FER: variants seen among roughly 807,000 people sequenced by gnomAD.
The protein encoded by FER is tyrosine-protein kinase Fer.
Under a neutral mutation model 111.0 loss-of-function variants are expected in FER, and 63 were observed. That is an observed-to-expected ratio of 0.57 (90% CI 0.46 to 0.70). The LOEUF (loss-of-function observed/expected upper bound fraction) is 0.70, where lower values mean the gene tolerates loss of function less well. FER is among the 30% of genes least tolerant of loss of function. FER has a pLI of 0.00. For synonymous variants in FER, 327 were observed against 313.9 expected (o/e 1.04, Z -0.44); for missense variants, 914 against 954.0 (o/e 0.96, Z 0.55).
chr5:108,752,796 TAAAA>T (rs1750645709), intron 1 of FER, among the ~76,000 whole-genome samples: 7 of 152,216 alleles, frequency 4.6e-5, no homozygotes, highest in African/African-American at 1.2e-4. Context: ...GGAATTATTT[TAAAA>T]ATATTCATAT....
chr5:108,867,109 A>G (rs1401222697), intron 5 of FER, among the ~76,000 whole-genome samples: 1 of 152,090 alleles, frequency 6.6e-6, no homozygotes, highest in Non-Finnish European at 1.5e-5. Flanking sequence ...TGTTCTTTCC[A>G]TGTATTCACT....
chr5:108,886,630 G>A (rs1015713308), intron 9 of FER, among the ~76,000 whole-genome samples: 3 of 151,458 alleles, frequency 2.0e-5, no homozygotes, highest in Non-Finnish European at 4.4e-5. Flanking sequence ...CATAGCTTCT[G>A]TCTTTTTGAT....
chr5:108,881,471 C>T (rs775285501), intron 8 of FER, among the ~76,000 whole-genome samples: 9 of 152,158 alleles, frequency 5.9e-5, no homozygotes, highest in Non-Finnish European at 1.2e-4. Flanking sequence ...CTGGGTCCCT[C>T]TCACAACACG....
At chr5:109,120,028 C>T (rs571258602) in intron 17 of FER, among the ~76,000 whole-genome samples, 1 of 151,996 alleles carries the variant, frequency 6.6e-6, no homozygotes, top group Non-Finnish European at 1.5e-5. Context: ...GTTATTAACC[C>T]CTTCTCAGAA....
intron 10 of FER, among the ~76,000 whole-genome samples, chr5:108,922,994 A>AT (rs1214602041): frequency 6.6e-6 from 1 of 152,048 alleles, no homozygotes; most frequent in Non-Finnish European, 1.5e-5. Context: ...GGCATCAGCT[A>AT]TTTTTTGGCT....
chr5:109,061,987 G>T (rs1271242460), intron 16 of FER, among the ~76,000 whole-genome samples: 3 of 148,712 alleles, frequency 2.0e-5, no homozygotes, highest in Non-Finnish European at 4.5e-5. Flanking sequence ...AGATGATTCT[G>T]TCTTTGTTTG....
At chr5:109,029,773 G>A (rs998308693) in intron 13 of FER, among the ~76,000 whole-genome samples, 10 of 152,026 alleles carry the variant, frequency 6.6e-5, no homozygotes, top group African/African-American at 1.7e-4. Context: ...TTTCCTTGTC[G>A]GAAGTTTGAT....
rs1271127019 is a variant in FER at position 108,937,874 on chromosome 5, A to G, written c.1237-8256A>G. Among the ~76,000 whole-genome samples, 35 of 151,826 alleles carry G rather than the reference A, an allele frequency of 2.3e-4. 1 individual carries two copies. The Admixed American group carries it at 2.3e-3, about 10-fold the overall frequency. ...TAGAGAAAATGGAGACAGTGAGCAT[A>G]TATAACTCTTTTAGGAATTTTTTTT... is the stretch of plus-strand genomic sequence containing the variant. On this transcript the variant is annotated intron_variant, in intron 10 of 19. Transcript: ENST00000281092.
intron 17 of FER, among the ~76,000 whole-genome samples, chr5:109,114,398 G>A (rs931253556): frequency 1.3e-5 from 2 of 152,028 alleles, no homozygotes; most frequent in Non-Finnish European, 2.9e-5. Flanking sequence ...AAAGTCAATG[G>A]TGCTGTTCTT....
At chr5:108,874,993 A>G (rs1349770956) in intron 8 of FER, among the ~76,000 whole-genome samples, 2 of 150,168 alleles carry the variant, frequency 1.3e-5, no homozygotes, top group African/African-American at 2.5e-5. Flanking sequence ...TGGACAGATA[A>G]CTTATCCCCT....
intron 17 of FER, among the ~76,000 whole-genome samples, chr5:109,129,708 A>G (rs988823011): frequency 2.0e-5 from 3 of 152,086 alleles, no homozygotes; most frequent in African/African-American, 7.2e-5. Flanking sequence ...CTCTAGGCAG[A>G]TGTATAAATT....
chr5:108,921,891 A>G (rs1205601156), intron 10 of FER, among the ~76,000 whole-genome samples: 2 of 152,166 alleles, frequency 1.3e-5, no homozygotes, highest in East Asian at 1.9e-4. Flanking sequence ...TGTGCCCCCA[A>G]AAGATATCTT....
intron 10 of FER, among the ~76,000 whole-genome samples, chr5:108,941,976 G>A (rs1422885250): frequency 2.0e-5 from 3 of 152,144 alleles, no homozygotes; most frequent in Admixed American, 6.6e-5. Context: ...CAGGCAACAC[G>A]CTGGAGGGAG....
intron 17 of FER, among the ~76,000 whole-genome samples, chr5:109,105,344 G>A (rs932603784): frequency 8.0e-5 from 12 of 149,550 alleles, no homozygotes; most frequent in African/African-American, 2.7e-4. Context: ...CATTTTTCCC[G>A]ATGATCTTTG....
intron 17 of FER, among the ~76,000 whole-genome samples, chr5:109,140,074 A>G (rs930298934): frequency 6.6e-6 from 1 of 152,242 alleles, no homozygotes; most frequent in Non-Finnish European, 1.5e-5. Context: ...GTGAAATATT[A>G]CAGTGAACAA....
Position 108,993,402 on chromosome 5 carries a change from G to A in FER, c.1656+34055G>A, listed in dbSNP as rs561899423. Among the ~76,000 whole-genome samples, 62 of 152,272 alleles carry A rather than the reference G, an allele frequency of 4.1e-4. 1 individual carries two copies. The highest frequency in any genetic ancestry group is 1.4e-3 in the African/African-American group (58 of 41,520). On this transcript the variant is annotated intron_variant, in intron 13 of 19. Transcript: ENST00000281092. The stretch of plus-strand genomic sequence containing the variant: ...AAAAATACGAAAACCAGTCAGGCGT[G>A]GCCGCGCGCGCCTGCAATCGCAGGC...
At chr5:108,993,383 A>C (rs977879334) in intron 13 of FER, among the ~76,000 whole-genome samples, 1 of 152,330 alleles carries the variant, frequency 6.6e-6, no homozygotes, top group Non-Finnish European at 1.5e-5. Flanking sequence ...CCAAAAAAAT[A>C]CGAAAACCAG....
intron 5 of FER, among the ~76,000 whole-genome samples, chr5:108,866,626 A>G (rs771655357): frequency 3.9e-5 from 6 of 152,062 alleles, no homozygotes; most frequent in Admixed American, 2.6e-4. Context: ...CTTGACACCA[A>G]TGAATCTCAA....
chr5:109,120,027 C>A (rs927761341), intron 17 of FER, among the ~76,000 whole-genome samples: 1 of 151,922 alleles, frequency 6.6e-6, no homozygotes, highest in Non-Finnish European at 1.5e-5. Context: ...AGTTATTAAC[C>A]CCTTCTCAGA....
Sources: allele counts gnomAD v4.1 joint callset (sites outside exome capture counted in the v4.1 genomes callset), GRCh38; gene constraint gnomAD v4.1.1; transcripts MANE v1.5; gene names NCBI Gene and HGNC (gene_info 2026-07-23, HGNC 2026-07-21).